The following IGSF21 variants were observed in gnomAD, a reference collection of about 807,000 sequenced individuals.
IGSF21 encodes the protein immunoglobin superfamily member 21.
IGSF21 carries 28 observed loss-of-function variants against 46.8 expected under a neutral mutation model. The ratio of observed to expected loss-of-function variants is 0.60; its 90% confidence interval spans 0.44 to 0.82. The LOEUF is 0.82. Among genes scored for constraint, IGSF21 ranks in the 40% least tolerant of loss-of-function variants. The pLI is 0.00. For missense variants in IGSF21, 624 were observed against 665.5 expected (o/e 0.94, Z 0.69); for synonymous variants, 284 against 273.6 (o/e 1.04, Z -0.38).
chr1:18,163,663 A>G (rs1039661769), intron 1 of IGSF21, among the ~76,000 whole-genome samples: 1 of 152,078 alleles, frequency 6.6e-6, no homozygotes, highest in Non-Finnish European at 1.5e-5. Context: ...GCATTTTTCC[A>G]ACTTCCCTGC....
rs1448123130 is a variant in IGSF21, at chr1:18,220,128, A to C, written c.71-7770A>C. Among the ~76,000 whole-genome samples, 4 of 152,298 alleles carry C rather than the reference A, an allele frequency of 2.6e-5. No individual in the cohort carries two copies. The East Asian group carries it at 7.7e-4, about 29-fold the overall frequency. ...CCTTGTTGTTATGGTGGTTCAGTTAAGTGCCACTACCTGTAGATTTGTCTG... is the reference window on the plus strand; with the variant it reads ...CCTTGTTGTTATGGTGGTTCAGTTACGTGCCACTACCTGTAGATTTGTCTG... On this transcript the variant is annotated intron_variant, in intron 1 of 9. Coordinates refer to ENST00000251296, the MANE Select transcript of IGSF21 (RefSeq NM_032880.5).
At position 18,208,415 on chromosome 1, in the gene IGSF21, G is replaced by A. The variant is rs568237682; in HGVS notation, c.71-19483G>A. Among the ~76,000 whole-genome samples the A allele has an allele frequency of 5.4e-5, 4 of 74,162 alleles. No individual in the cohort carries two copies. The South Asian group carries it at 1.7e-3, about 32-fold the overall frequency. 48.7% of individuals were successfully genotyped at this position (74,162 alleles called of 152,430 possible). On this transcript the variant is annotated intron_variant, in intron 1 of 9. Coordinates refer to ENST00000251296, the MANE Select transcript of IGSF21 (RefSeq NM_032880.5). ...TATATATTTTTTGAGACGGAGTCTT[G>A]CTGTCTCCCAGGCTGGAGTGCAGTG...
chr1:18,252,424 C>T (rs2084852022), intron 2 of IGSF21, among the ~76,000 whole-genome samples: 1 of 152,328 alleles, frequency 6.6e-6, no homozygotes, highest in Admixed American at 6.5e-5. Context: ...TTCAAGTCTT[C>T]CTTCTGCATT....
chr1:18,148,381 C>T (rs2086490261), intron 1 of IGSF21, among the ~76,000 whole-genome samples: 1 of 152,184 alleles, frequency 6.6e-6, no homozygotes, highest in South Asian at 2.1e-4. Flanking sequence ...ATCCGCCCGC[C>T]TCGGCCTCCC....
At chr1:18,349,357 G>A (rs1223665844) in intron 4 of IGSF21, among the ~76,000 whole-genome samples, 1 of 152,082 alleles carries the variant, frequency 6.6e-6, no homozygotes, top group Non-Finnish European at 1.5e-5. Flanking sequence ...GAAAAATAAG[G>A]ATGATGGGGG....
rs851443 is a variant in IGSF21 at position 18,298,846 on chromosome 1, C to T, written c.305+6859C>T. Among the ~76,000 whole-genome samples, 686 of 152,318 alleles carry T rather than the reference C, an allele frequency of 4.5e-3. 4 individuals carry two copies. The highest frequency in any genetic ancestry group is 0.016 in the African/African-American group (646 of 41,572). On this transcript the variant is annotated intron_variant, in intron 3 of 9. Coordinates refer to ENST00000251296, the MANE Select transcript of IGSF21 (RefSeq NM_032880.5). ...CAGCCTGTTCCTCTCCCTTCACGCCCGTTGGCCTATAAGCTCCTCCAAGGC... is the reference window on the plus strand; with the variant it reads ...CAGCCTGTTCCTCTCCCTTCACGCCTGTTGGCCTATAAGCTCCTCCAAGGC...
chr1:18,329,224 C>A (rs750984886), intron 3 of IGSF21, among the ~76,000 whole-genome samples: 8 of 152,196 alleles, frequency 5.3e-5, no homozygotes, highest in Non-Finnish European at 8.8e-5. Context: ...CTCTATGTAG[C>A]AAAGATTCAG....
At chr1:18,116,662 T>G (rs371607476) in intron 1 of IGSF21, among the ~76,000 whole-genome samples, 1 of 152,198 alleles carries the variant, frequency 6.6e-6, no homozygotes, top group African/African-American at 2.4e-5. Context: ...GATTCTGGAC[T>G]GACAGAGACC....
rs556101443 is a variant in IGSF21 at position 18,223,173 on chromosome 1, C to T, written c.71-4725C>T. On this transcript the variant is annotated intron_variant, in intron 1 of 9. Transcript: ENST00000251296. Reference sequence around the variant, plus strand: ...GGTCTCCCCTCTGCCCACCATCTCTCACGTGAGCCTGGCCCCAACCCCAGG... The same window carrying T: ...GGTCTCCCCTCTGCCCACCATCTCTTACGTGAGCCTGGCCCCAACCCCAGG... Among the ~76,000 whole-genome samples, 53 of 152,382 alleles carry T rather than the reference C, an allele frequency of 3.5e-4. 1 individual carries two copies. Among genetic ancestry groups the T allele is most frequent in the African/African-American group, 6.5e-4 (27 of 41,594 alleles).
At position 18,227,950 on chromosome 1, in the gene IGSF21, C is replaced by T. The variant is rs750853777; in HGVS notation, c.123C>T (p.Ala41=). The change falls in exon 2 of 10, where the codon GCC becomes GCT. Residue 41 remains alanine (A), a synonymous_variant. Transcript: ENST00000251296. ...TCCCCCCTGTGGTGGCTGGAGACGC[C>T]GTGACTTTGAAGTGTAACTTCAAGA... ...EPLPPVVAGD[A]VTLKCNFKTD... is the part of the protein sequence containing the mutation. 51 of 1,614,054 alleles carry T rather than the reference C, an allele frequency of 3.2e-5. No individual in the cohort carries two copies. The highest frequency in any genetic ancestry group is 1.8e-4 in the Admixed American group (11 of 60,026).
At position 18,322,987 on chromosome 1, in the gene IGSF21, C is replaced by G. The variant is rs984062132; in HGVS notation, c.306-11905C>G. Among the ~76,000 whole-genome samples the G allele has an allele frequency of 3.9e-5, 6 of 152,136 alleles. No homozygotes were observed. The highest frequency in any genetic ancestry group is 1.4e-4 in the African/African-American group (6 of 41,436). ...CGGGTTCAGGGCCCAAGGTGAACAGCAGTGGCTGGACAGGGCAGGAAAGAG... is the reference window on the plus strand; with the variant it reads ...CGGGTTCAGGGCCCAAGGTGAACAGGAGTGGCTGGACAGGGCAGGAAAGAG... On this transcript the variant is annotated intron_variant, in intron 3 of 9. Coordinates refer to ENST00000251296, the MANE Select transcript of IGSF21 (RefSeq NM_032880.5). The surrounding 1 kb of genome is among the most constrained non-coding windows in gnomAD (Gnocchi z 4.3).
chr1:18,314,204 A>G (rs2085517610), intron 3 of IGSF21, among the ~76,000 whole-genome samples: 1 of 152,142 alleles, frequency 6.6e-6, no homozygotes, highest in Non-Finnish European at 1.5e-5. Context: ...TGACTTATTT[A>G]TTTTAAATTA....
At chr1:18,309,610 C>A (rs747188010) in intron 3 of IGSF21, among the ~76,000 whole-genome samples, 10 of 152,226 alleles carry the variant, frequency 6.6e-5, no homozygotes, top group Non-Finnish European at 1.0e-4. Flanking sequence ...CCCTGCACTG[C>A]ACTTTCCATG....
chr1:18,152,148 T>G (rs2086526753), intron 1 of IGSF21, among the ~76,000 whole-genome samples: 1 of 152,208 alleles, frequency 6.6e-6, no homozygotes, highest in Non-Finnish European at 1.5e-5. Context: ...GATGAACGAA[T>G]GAATTAACTC....
intron 2 of IGSF21, among the ~76,000 whole-genome samples, chr1:18,230,137 G>C (rs1160343731): frequency 6.6e-6 from 1 of 152,240 alleles, no homozygotes; most frequent in Non-Finnish European, 1.5e-5. Context: ...GGCAATGCTA[G>C]TGCCAGGCTG....
intron 1 of IGSF21, among the ~76,000 whole-genome samples, chr1:18,138,731 GT>G (rs1274360589): frequency 1.2e-4 from 18 of 152,160 alleles, no homozygotes; most frequent in African/African-American, 3.4e-4. Flanking sequence ...CTTCTTTTAG[GT>G]AAAGAAGTGC....
At position 18,291,846 on chromosome 1, in the gene IGSF21, ATC is replaced by A; in HGVS notation, c.184-16_184-15del. The A allele has an allele frequency of 6.2e-7, 1 of 1,612,684 alleles. No homozygotes were observed. Among genetic ancestry groups the A allele is most frequent in the Non-Finnish European group, 8.5e-7 (1 of 1,179,244 alleles). On this transcript the variant is annotated intron_variant, in intron 2 of 9. Transcript: ENST00000251296. ...GCCGGTTGAGCACTCACGTGTGGCT[ATC>A]TCTGTGCTCTGTGGCAGGTGACGGA...
intron 7 of IGSF21, 78 bp from the exon 8 acceptor site, chr1:18,376,722 C>CA (rs1187025502): frequency 1.4e-6 from 2 of 1,401,376 alleles, no homozygotes; most frequent in Non-Finnish European, 2.0e-6. Context: ...CACCCCTGGC[C>CA]AGGCAGCCCC....
chr1:18,177,392 G>GGTGTGTGTGTGTGTGT (rs3041401), intron 1 of IGSF21, among the ~76,000 whole-genome samples: 1 of 125,018 alleles, frequency 8.0e-6, no homozygotes, highest in Non-Finnish European at 1.7e-5. Flanking sequence ...GGGTCAGTGA[G>GGTGTGTGTGTGTGTGT]GTGTGTGTGT....
Sources: gnomAD v4.1 joint callset for allele counts (sites outside exome capture counted in the v4.1 genomes callset) on GRCh38, gnomAD v4.1.1 for gene constraint, Gnocchi (gnomAD v3.1) non-coding constraint, MANE v1.5 for transcripts, NCBI Gene and HGNC (gene_info 2026-07-23, HGNC 2026-07-21) for gene names.